TBX2: variants seen among roughly 807,000 people sequenced by gnomAD.
TBX2 encodes the protein T-box transcription factor 2.
Under a neutral mutation model 48.4 loss-of-function variants are expected in TBX2, and 19 were observed. The observed-to-expected ratio is 0.39, with a 90% CI of 0.27 to 0.58. The LOEUF is 0.58. Ranked by LOEUF, TBX2 falls within the 20% of genes least tolerant of loss-of-function variation. The pLI is 0.54. For missense variants in TBX2, 994 were observed against 1,006.5 expected (o/e 0.99, Z 0.17); for synonymous variants, 522 against 459.7 (o/e 1.14, Z -1.73).
At position 61,403,708 on chromosome 17, in the gene TBX2, C is replaced by T. The variant is rs982603946; in HGVS notation, c.810+501C>T. On this transcript the variant is annotated intron_variant, in intron 3 of 6. Transcript: ENST00000240328. This position sits in a 1 kb window ranked among gnomAD's most constrained non-coding sequence, Gnocchi z 5.8. ...TACTGCTCTGGGTCAGTCTAGGCCCCAGACCCCTTGGGAGGCGCTTAGAGA... is the reference window on the plus strand; with the variant it reads ...TACTGCTCTGGGTCAGTCTAGGCCCTAGACCCCTTGGGAGGCGCTTAGAGA... 2.6e-5 allele frequency among the ~76,000 whole-genome samples: 4 copies of T among 152,020 alleles called. No individual in the cohort carries two copies. Among genetic ancestry groups the T allele is most frequent in the African/African-American group, 9.7e-5 (4 of 41,388 alleles).
chr17:61,404,556 G>T, intron 4 of TBX2, 50 bp from the exon 5 acceptor site: 1 of 1,590,738 alleles, frequency 6.3e-7, no homozygotes, highest in South Asian at 1.1e-5. Flanking sequence ...CGAGCAGGAG[G>T]GATGGAGGGA....
chr17:61,401,573 GCC>G, intron 1 of TBX2, 109 bp from the exon 2 acceptor site: 1 of 1,419,504 alleles, frequency 7.0e-7, no homozygotes, highest in Non-Finnish European at 9.3e-7. Flanking sequence ...AGGGGAAACA[GCC>G]AGGCGGCAGC....
In TBX2 at chr17:61,400,383, A is replaced by G. The variant is rs1388059688; in HGVS notation, c.207A>G (p.Ala69=). ...GAAAAAAAAA[A]AAEAGLHVSA... ...CGGCCGCGGCGGCGGCGGCGGCAGC[A>G]GCGGCCGAGGCGGGGCTGCACGTCT... The change falls in exon 1 of 7, where the codon GCA becomes GCG. Residue 69 remains alanine, a synonymous_variant. Coordinates refer to ENST00000240328, the MANE Select transcript of TBX2 (RefSeq NM_005994.4). This position sits in a 1 kb window ranked among gnomAD's most constrained non-coding sequence, Gnocchi z 9.2. 2.6e-6 allele frequency: 3 copies of G among 1,164,324 alleles called. No individual in the cohort carries two copies. The highest frequency in any genetic ancestry group is 3.2e-6 in the Non-Finnish European group (3 of 943,420). The allele number at this position is 1,164,324 out of a possible 1,614,324, so 72.1% of individuals were successfully genotyped here. A position where few individuals can be genotyped will look rare whatever the true frequency, so the allele number is the denominator to read the frequency against.
At position 61,403,038 on chromosome 17, in the gene TBX2, G is replaced by T. The variant is rs746452672; in HGVS notation, c.664-23G>T. ...CTCGGGCCGGGGCTGGTGGCTGCCG[G>T]CTGACCCCCACCCTCCCCGCAGACC... On this transcript the variant is annotated intron_variant, in intron 2 of 6. Transcript: ENST00000240328. This position sits in a 1 kb window ranked among gnomAD's most constrained non-coding sequence, Gnocchi z 5.8. 1 of 1,593,818 alleles carries T rather than the reference G, an allele frequency of 6.3e-7. No homozygotes were observed. The highest frequency in any genetic ancestry group is 8.5e-7 in the Non-Finnish European group (1 of 1,171,302).
At chr17:61,402,086 C>T in intron 2 of TBX2, 135 bp downstream of exon 2, 1 of 1,345,254 alleles carries the variant, frequency 7.4e-7, no homozygotes, top group Non-Finnish European at 9.9e-7. Context: ...GCCCGGGTCA[C>T]TGCCCTGTGG....
chr17:61,405,308 C>A lies in TBX2; in HGVS notation c.1158C>A (p.Ser386Arg). Residue 386 changes from serine (S) to arginine (R), a missense_variant, in exon 6 of 7, where the codon AGC becomes AGA. Ser to Arg is a moderately radical substitution (Grantham distance 110). Coordinates refer to ENST00000240328, the MANE Select transcript of TBX2 (RefSeq NM_005994.4). ...LGRSPAPDSA[S>R]PTRLTEPERA... ...GCAGCCCGGCTCCAGACAGCGCCAG[C>A]CCCACTCGCTTGACCGAACCCGAGC... 1.9e-6 allele frequency: 3 copies of A among 1,554,168 alleles called. No individual in the cohort carries two copies. Among genetic ancestry groups the A allele is most frequent in the Non-Finnish European group, 2.6e-6 (3 of 1,157,198 alleles).
rs139114561 is a variant in TBX2 at position 61,404,683 on chromosome 17, C to A, written c.965C>A (p.Ala322Asp). Residue 322 changes from alanine to aspartate, a missense_variant, in exon 5 of 7, where the codon GCC becomes GAC. Ala to Asp is a moderately radical substitution (Grantham distance 126). Transcript: ENST00000240328. ...KPERDGAESD[A>D]SSCDPPPARE... ...GAGCGCGATGGCGCGGAGTCAGACG[C>A]CTCGTCGTGCGACCCTCCCCCCGCG... is the stretch of plus-strand genomic sequence containing the variant. 1 of 1,582,366 alleles carries A rather than the reference C, an allele frequency of 6.3e-7. No individual in the cohort carries two copies. Among genetic ancestry groups the A allele is most frequent in the Non-Finnish European group, 8.6e-7 (1 of 1,164,622 alleles).
At position 61,406,096 on chromosome 17, in the gene TBX2, G is replaced by T. The variant is rs1399341231; in HGVS notation, c.1686+260G>T. 1.1e-5 allele frequency: 4 copies of T among 375,696 alleles called. No homozygotes were observed. Among genetic ancestry groups the T allele is most frequent in the Non-Finnish European group, 1.9e-5 (4 of 213,002 alleles). The allele number at this position is 375,696 out of a possible 1,614,324, so 23.3% of individuals were successfully genotyped here. A position where few individuals can be genotyped will look rare whatever the true frequency, so the allele number is the denominator to read the frequency against. On this transcript the variant is annotated intron_variant, in intron 6 of 6. Transcript: ENST00000240328. The surrounding 1 kb of genome is among the most constrained non-coding windows in gnomAD (Gnocchi z 5.7). ...TTGGCAAGTCCCTGACCCTCTCTGG[G>T]CCTGCTTCCTTCCCTATAGCCCCAG...
At position 61,405,547 on chromosome 17, in the gene TBX2, C is replaced by G; in HGVS notation, c.1397C>G (p.Pro466Arg). Residue 466 changes from proline to arginine, a missense_variant, in exon 6 of 7, where the codon CCC (proline) becomes CGC (arginine). This residue lies in a region of TBX2 where 639 missense variants were observed against 613.2 expected (regional missense o/e 1.04). Transcript: ENST00000240328. ...SASPLGAGHLPGLAFSSHLHG... is the reference protein window; with the variant it reads ...SASPLGAGHLRGLAFSSHLHG... Reference sequence around the variant, plus strand: ...TCCCCCCTGGGCGCCGGACACCTGCCCGGCCTGGCCTTTTCCAGCCACTTG... The same window carrying G: ...TCCCCCCTGGGCGCCGGACACCTGCGCGGCCTGGCCTTTTCCAGCCACTTG... 3 of 1,594,188 alleles carry G rather than the reference C, an allele frequency of 1.9e-6. No individual in the cohort carries two copies. The highest frequency in any genetic ancestry group is 2.6e-6 in the Non-Finnish European group (3 of 1,173,984).
chr17:61,405,333 C>T lies in TBX2; in HGVS notation c.1183C>T (p.Arg395Cys). 3 of 1,546,436 alleles carry T rather than the reference C, an allele frequency of 1.9e-6. No individual in the cohort carries two copies. The highest frequency in any genetic ancestry group is 1.7e-6 in the Non-Finnish European group (2 of 1,152,756). The change falls in exon 6 of 7, where the codon CGC becomes TGC. Residue 395 changes from arginine to cysteine, a missense_variant. Coordinates refer to ENST00000240328, the MANE Select transcript of TBX2 (RefSeq NM_005994.4). ...CCCCACTCGCTTGACCGAACCCGAGCGCGCCCGGGAGCGGCGTAGTCCCGA... is the reference window on the plus strand; with the variant it reads ...CCCCACTCGCTTGACCGAACCCGAGTGCGCCCGGGAGCGGCGTAGTCCCGA... ...ASPTRLTEPE[R>C]ARERRSPERG... is the part of the protein sequence containing the mutation.
rs1039579665 is a variant in TBX2, at chr17:61,400,362, C to T, written c.186C>T (p.Ala62=). ...ACCCGGGCCTGGCGGGGGCGGCGGC[C>T]GCGGCGGCGGCGGCGGCAGCAGCGG... ...LPDPGLAGAA[A]AAAAAAAAAE... is the part of the protein sequence containing the mutation. Residue 62 remains alanine, a synonymous_variant, in exon 1 of 7, where the codon GCC becomes GCT. Coordinates refer to ENST00000240328, the MANE Select transcript of TBX2 (RefSeq NM_005994.4). This position sits in a 1 kb window ranked among gnomAD's most constrained non-coding sequence, Gnocchi z 9.2. 190 of 1,033,728 alleles carry T rather than the reference C, an allele frequency of 1.8e-4. 1 individual carries two copies. Among genetic ancestry groups the T allele is most frequent in the Non-Finnish European group, 2.0e-4 (176 of 864,142 alleles). The allele number at this position is 1,033,728 out of a possible 1,614,324, so 64.0% of individuals were successfully genotyped here. A position where few individuals can be genotyped will look rare whatever the true frequency, so the allele number is the denominator to read the frequency against.
In TBX2 at chr17:61,400,134, C is replaced by T; in HGVS notation, c.-43C>T. On this transcript the variant is annotated 5_prime_UTR_variant, in exon 1 of 7. Coordinates refer to ENST00000240328, the MANE Select transcript of TBX2 (RefSeq NM_005994.4). This position sits in a 1 kb window ranked among gnomAD's most constrained non-coding sequence, Gnocchi z 9.2. ...GCCGGGGGTCCGAGCCGCGCGCCCC[C>T]GGCCCCGGCCCCGGCCCCCGGGCGC... 1 of 972,116 alleles carries T rather than the reference C, an allele frequency of 1.0e-6. No homozygotes were observed. 60.2% of individuals were successfully genotyped at this position (972,116 alleles called of 1,614,324 possible).
At chr17:61,404,093 G>A (rs1170338765) in intron 3 of TBX2, among the ~76,000 whole-genome samples, 1 of 152,244 alleles carries the variant, frequency 6.6e-6, no homozygotes. Flanking sequence ...CTCGGGTGCG[G>A]AGTCGTTTAA....
At position 61,405,807 on chromosome 17, in the gene TBX2, C is replaced by A. The variant is rs867446896; in HGVS notation, c.1657C>A (p.His553Asn). 5 of 1,331,214 alleles carry A rather than the reference C, an allele frequency of 3.8e-6. No individual in the cohort carries two copies. Among genetic ancestry groups the A allele is most frequent in the East Asian group, 3.0e-5 (1 of 33,690 alleles). 82.5% of individuals were successfully genotyped at this position (1,331,214 alleles called of 1,614,324 possible). The change falls in exon 6 of 7, where the codon CAC becomes AAC. Residue 553 changes from histidine (H) to asparagine (N), a missense_variant. His to Asn is a moderately conservative substitution (Grantham distance 68, BLOSUM62 1). Transcript: ENST00000240328. ...AAGCACCGCCGCGCCCTTCCCGTTC[C>A]ACCTCTCCCAGCACATGCTGGCATC... ...AASTAAPFPF[H>N]LSQHMLASQG...
Position 61,400,269 on chromosome 17 carries a change from G to A in TBX2, c.93G>A (p.Ala31=), listed in dbSNP as rs2143723836. 8.4e-7 allele frequency: 1 copy of A among 1,195,510 alleles called. No homozygotes were observed. The highest frequency in any genetic ancestry group is 1.1e-6 in the Non-Finnish European group (1 of 940,862). The allele number at this position is 1,195,510 out of a possible 1,614,324, so 74.1% of individuals were successfully genotyped here. The change falls in exon 1 of 7, where the codon GCG becomes GCA. Residue 31 remains alanine (A), a synonymous_variant. Transcript: ENST00000240328. This position sits in a 1 kb window ranked among gnomAD's most constrained non-coding sequence, Gnocchi z 9.2. ...PADFPMSAFL[A]AAQPSFFPAL... ...ACTTCCCCATGTCCGCCTTTCTGGC[G>A]GCGGCGCAGCCCTCCTTCTTCCCGG...
At chr17:61,405,078 CT>C in intron 5 of TBX2, 123 bp from the exon 6 acceptor site, 1 of 1,512,002 alleles carries the variant, frequency 6.6e-7, no homozygotes, top group Admixed American at 2.0e-5. Context: ...TGCAGCTGCC[CT>C]TTGCCCGACT....
At chr17:61,401,214 C>A (rs1016944305) in intron 1 of TBX2, among the ~76,000 whole-genome samples, 6 of 152,142 alleles carry the variant, frequency 3.9e-5, no homozygotes, top group African/African-American at 1.2e-4. Flanking sequence ...TCACCCTCTT[C>A]CCCCGAACTG....
At chr17:61,402,261 G>A (rs2060266688) in intron 2 of TBX2, among the ~76,000 whole-genome samples, 1 of 152,244 alleles carries the variant, frequency 6.6e-6, no homozygotes, top group Admixed American at 6.5e-5. Context: ...GGTCTGCAGT[G>A]CTGGACCACG....
In TBX2 at chr17:61,403,778, C is replaced by G. The variant is rs1271886562; in HGVS notation, c.810+571C>G. 6.6e-6 allele frequency among the ~76,000 whole-genome samples: 1 copy of G among 152,042 alleles called. No homozygotes were observed. The highest frequency in any genetic ancestry group is 1.5e-5 in the Non-Finnish European group (1 of 68,002). ...GCTTTTTCTGCTTGCGGCTTCTCCA[C>G]CCTTGTTCTAGTGGGGCAGAGCATC... On this transcript the variant is annotated intron_variant, in intron 3 of 6. Coordinates refer to ENST00000240328, the MANE Select transcript of TBX2 (RefSeq NM_005994.4). This position sits in a 1 kb window ranked among gnomAD's most constrained non-coding sequence, Gnocchi z 5.8.
Sources: allele counts gnomAD v4.1 joint callset (sites outside exome capture counted in the v4.1 genomes callset), GRCh38; gene constraint gnomAD v4.1.1; regional missense constraint gnomAD v4.1.1; non-coding constraint Gnocchi (gnomAD v3.1); transcripts MANE v1.5; gene names NCBI Gene and HGNC (gene_info 2026-07-23, HGNC 2026-07-21).